The following NFATC2 variants were observed in gnomAD, a reference collection of about 807,000 sequenced individuals.
The protein encoded by NFATC2 is nuclear factor of activated T cells 2, also known as nuclear factor of activated T-cells, cytoplasmic 2.
In NFATC2, 22 loss-of-function variants were observed where a neutral mutation model predicts 87.3. That is an observed-to-expected ratio of 0.25 (90% confidence interval 0.18 to 0.36). The LOEUF (loss-of-function observed/expected upper bound fraction) is 0.36, where lower values mean the gene tolerates loss of function less well. Among genes scored for constraint, NFATC2 ranks in the 10% least tolerant of loss-of-function variants. The probability of loss-of-function intolerance (pLI) is 1.00; values close to 1 mark genes in which losing one functional copy is unlikely to be tolerated. For missense variants in NFATC2, 1,149 were observed against 1,259.1 expected, an observed-to-expected ratio of 0.91 and a Z score of 1.32; for synonymous variants, 565 against 542.2, an observed-to-expected ratio of 1.04 and a Z score of -0.58.
At chr20:51,462,090 C>G (rs544873042) in intron 5 of NFATC2, among the ~76,000 whole-genome samples, 24 of 151,436 alleles carry the variant, frequency 1.6e-4, no homozygotes, top group African/African-American at 3.9e-4. Flanking sequence ...TGCCCTCAAG[C>G]CTGGGTGACA....
chr20:51,404,988 G>A (rs1052456051), intron 9 of NFATC2, among the ~76,000 whole-genome samples: 3 of 152,208 alleles, frequency 2.0e-5, no homozygotes, highest in Non-Finnish European at 2.9e-5. Flanking sequence ...CAGCTCTTGG[G>A]ATGAGTAGAC....
At chr20:51,544,019 G>A (rs1051483958), upstream of NFATC2, among the ~76,000 whole-genome samples, 7 of 110,982 alleles carry the variant, frequency 6.3e-5, no homozygotes, top group South Asian at 3.0e-4. Context: ...ACGGAGTCTC[G>A]CTCTGTCGCC....
intron 1 of NFATC2, among the ~76,000 whole-genome samples, chr20:51,529,559 C>A (rs944248144): frequency 6.6e-6 from 1 of 152,172 alleles, no homozygotes; most frequent in Non-Finnish European, 1.5e-5. Context: ...CGCTCACAGG[C>A]GGCTTTCTTA....
chr20:51,458,264 G>C lies in NFATC2; in HGVS notation c.1709-3576C>G, dbSNP rs1986778826. On this transcript the variant is annotated intron_variant, in intron 5 of 10. Transcript: ENST00000371564. ...ATTCTTTGTTGTCAGCAGGCAGGGG[G>C]TGTCCTGGGGGTGTCCTGGGCATTG... Among the ~76,000 whole-genome samples, 3 of 152,064 alleles carry C rather than the reference G, an allele frequency of 2.0e-5. No homozygotes were observed. In the South Asian group the frequency reaches 6.3e-4, roughly 32 times the overall value.
At chr20:51,558,379 G>A (rs887738888) in intron 1 of NFATC2, among the ~76,000 whole-genome samples, 7 of 152,004 alleles carry the variant, frequency 4.6e-5, no homozygotes, top group African/African-American at 1.7e-4. Flanking sequence ...GCTTCTTCCA[G>A]TCAGGAAGTA....
chr20:51,395,611 C>A (rs1412088354), intron 10 of NFATC2, among the ~76,000 whole-genome samples: 34 of 56,372 alleles, frequency 6.0e-4, no homozygotes, highest in Non-Finnish European at 1.0e-3. Context: ...CACAGAGGTG[C>A]CCTAAAAGAC....
At chr20:51,512,741 T>C (rs1172106268) in intron 3 of NFATC2, among the ~76,000 whole-genome samples, 2 of 152,194 alleles carry the variant, frequency 1.3e-5, no homozygotes, top group Admixed American at 6.5e-5. Context: ...TGAAGTTCTA[T>C]AGTGAGGCAA....
intron 1 of NFATC2, among the ~76,000 whole-genome samples, chr20:51,530,629 A>G (rs2076617907): frequency 6.6e-6 from 1 of 152,206 alleles, no homozygotes; most frequent in East Asian, 1.9e-4. Flanking sequence ...AGGGAGGAAG[A>G]AGATAGAAGC....
intron 5 of NFATC2, among the ~76,000 whole-genome samples, chr20:51,458,275 G>A (rs1052128065): frequency 6.6e-6 from 1 of 152,062 alleles, no homozygotes; most frequent in African/African-American, 2.4e-5. Flanking sequence ...TGTCCTGGGG[G>A]TGTCCTGGGC....
chr20:51,410,610 G>A (rs1979080312), intron 9 of NFATC2, among the ~76,000 whole-genome samples: 1 of 151,840 alleles, frequency 6.6e-6, no homozygotes, highest in Non-Finnish European at 1.5e-5. Flanking sequence ...GAAGGAGGGA[G>A]GAAGAGAGGG....
intron 9 of NFATC2, among the ~76,000 whole-genome samples, chr20:51,404,297 TTGAGGC>T (rs1988344156): frequency 6.6e-6 from 1 of 152,168 alleles, no homozygotes; most frequent in Admixed American, 6.5e-5. Context: ...TTCATAGAAC[TTGAGGC>T]AAATCCTAAC....
chr20:51,412,902 GAGCACAGGAGAAGGAGAAGGAGA>G (rs1023377425), intron 9 of NFATC2, among the ~76,000 whole-genome samples: 3 of 151,772 alleles, frequency 2.0e-5, no homozygotes, highest in Non-Finnish European at 4.4e-5. Flanking sequence ...GAACAACAAG[GAGCACAGGAGAAGGAGAAGGAGA>G]AGCACAGGAT....
intron 1 of NFATC2, among the ~76,000 whole-genome samples, chr20:51,536,168 A>G (rs1453114192): frequency 6.6e-6 from 1 of 152,256 alleles, no homozygotes; most frequent in African/African-American, 2.4e-5. Context: ...TTAGGACAGT[A>G]GCAAGATACA....
chr20:51,457,871 C>A (rs1986732180), intron 5 of NFATC2, among the ~76,000 whole-genome samples: 2 of 144,172 alleles, frequency 1.4e-5, no homozygotes, highest in South Asian at 4.5e-4. Flanking sequence ...TACTGACACC[C>A]AGGCCCTCCT....
At chr20:51,464,601 A>G (rs772194947) in intron 5 of NFATC2, among the ~76,000 whole-genome samples, 8 of 147,078 alleles carry the variant, frequency 5.4e-5, no homozygotes, top group East Asian at 4.2e-4. Context: ...TCTCTGCCCA[A>G]TGCTCCAGTT....
intron 10 of NFATC2, among the ~76,000 whole-genome samples, chr20:51,393,049 G>T (rs934637663): frequency 2.6e-5 from 4 of 152,196 alleles, no homozygotes; most frequent in Non-Finnish European, 5.9e-5. Flanking sequence ...CCAGCACAGT[G>T]CCTGGTGTTC....
intron 1 of NFATC2, among the ~76,000 whole-genome samples, chr20:51,529,511 G>A (rs1326317009): frequency 6.6e-6 from 1 of 152,126 alleles, no homozygotes; most frequent in Non-Finnish European, 1.5e-5. Flanking sequence ...TAAGTCAGTG[G>A]CTGAGATTCG....
At chr20:51,398,583 A>ATTTTTTTTT in intron 10 of NFATC2, 60 bp downstream of exon 10, 3 of 1,081,950 alleles carry the variant, frequency 2.8e-6, no homozygotes, top group Non-Finnish European at 4.0e-6. Flanking sequence ...AAAAAAAAAA[A>ATTTTTTTTT]TTCAAGTTAA....
Position 51,387,471 on chromosome 20 carries a change from C to T in NFATC2, c.*4025G>A, listed in dbSNP as rs183857825. 6 of 152,328 alleles carry T rather than the reference C, an allele frequency of 3.9e-5. No homozygotes were observed. In the East Asian group the frequency reaches 1.2e-3, roughly 29 times the overall value. 9.4% of individuals were successfully genotyped at this position (152,328 alleles called of 1,614,324 possible). On this transcript the variant is annotated 3_prime_UTR_variant, in exon 11 of 11. Transcript: ENST00000371564. ...TCAGGGAGCAACTCTCTGTTATCAA[C>T]CACCAGAAAAGTTTGTTTTTAAACA...
Sources: gnomAD v4.1 joint callset for allele counts (sites outside exome capture counted in the v4.1 genomes callset) on GRCh38, gnomAD v4.1.1 for gene constraint, MANE v1.5 for transcripts, NCBI Gene and HGNC (gene_info 2026-07-23, HGNC 2026-07-21) for gene names.